The following ZKSCAN5 variants were observed in gnomAD, a reference collection of about 807,000 sequenced individuals.
The protein encoded by ZKSCAN5 is zinc finger protein with KRAB and SCAN domains 5.
In ZKSCAN5, 28 loss-of-function variants were observed where a neutral mutation model predicts 60.0. The ratio of observed to expected loss-of-function variants is 0.47; its 90% confidence interval spans 0.35 to 0.64. The LOEUF (loss-of-function observed/expected upper bound fraction) is 0.64, where lower values mean the gene tolerates loss of function less well. Among genes scored for constraint, ZKSCAN5 ranks in the 30% least tolerant of loss-of-function variants. The probability of loss-of-function intolerance (pLI) is 0.01; values close to 1 mark genes in which losing one functional copy is unlikely to be tolerated. For missense variants in ZKSCAN5, 881 were observed against 1,034.6 expected, an observed-to-expected ratio of 0.85 and a Z score of 2.04; for synonymous variants, 361 against 371.2, an observed-to-expected ratio of 0.97 and a Z score of 0.31.
Position 99,534,696 on chromosome 7 carries a change from A to AC in ZKSCAN5, c.*2447_*2448insC, listed in dbSNP as rs1313315443. 4 of 151,188 alleles carry AC rather than the reference A, an allele frequency of 2.6e-5. No individual in the cohort carries two copies. Among genetic ancestry groups the AC allele is most frequent in the Admixed American group, 6.6e-5 (1 of 15,166 alleles). 9.4% of individuals were successfully genotyped at this position (151,188 alleles called of 1,614,324 possible). On this transcript the variant is annotated 3_prime_UTR_variant, in exon 7 of 7. Coordinates refer to ENST00000326775, the MANE Select transcript of ZKSCAN5 (RefSeq NM_145102.4). ...GTCTAAAAAAAAAAAAAAAAAAAAA[A>AC]AAAACATTTTTTGGAGAGATGGTAT...
rs769392884 is a variant in ZKSCAN5, at chr7:99,531,244, G to C, written c.1515G>C (p.Glu505Asp). Residue 505 changes from glutamate (E) to aspartate (D), a missense_variant, in exon 7 of 7, where the codon GAG (glutamate) becomes GAC (aspartate). Glu to Asp is a conservative substitution (Grantham distance 45). This residue lies in a region of ZKSCAN5 where 490 missense variants were observed against 554.5 expected (regional missense o/e 0.88). Transcript: ENST00000326775. Reference protein sequence around the residue: ...SQVQDFGEGCEFQGKLDRKQG... With the variant: ...SQVQDFGEGCDFQGKLDRKQG... ...TTCAAGATTTTGGAGAAGGCTGTGA[G>C]TTTCAAGGCAAGCTGGATAGAAAGC... The C allele has an allele frequency of 1.2e-6, 2 of 1,614,166 alleles. No individual in the cohort carries two copies. Among genetic ancestry groups the C allele is most frequent in the Admixed American group, 3.3e-5 (2 of 60,010 alleles).
chr7:99,532,156 T>G lies in ZKSCAN5; in HGVS notation c.2427T>G (p.Asn809Lys). ...KPFQCKECGM[N>K]FSWSCSLFKH... ...TTCAATGTAAAGAATGTGGAATGAATTTCAGCTGGAGTTGTAGCCTCTTTA... is the reference window on the plus strand; with the variant it reads ...TTCAATGTAAAGAATGTGGAATGAAGTTCAGCTGGAGTTGTAGCCTCTTTA... The change falls in exon 7 of 7, where the codon AAT becomes AAG. Residue 809 changes from asparagine (N) to lysine (K), a missense_variant. Physicochemically the swap from Asn to Lys is moderately conservative, Grantham distance 94. Coordinates refer to ENST00000326775, the MANE Select transcript of ZKSCAN5 (RefSeq NM_145102.4). The G allele has an allele frequency of 1.9e-6, 3 of 1,613,780 alleles. No homozygotes were observed. The highest frequency in any genetic ancestry group is 2.5e-6 in the Non-Finnish European group (3 of 1,180,020).
intron 2 of ZKSCAN5, among the ~76,000 whole-genome samples, chr7:99,507,502 T>C (rs1800800835): frequency 7.0e-6 from 1 of 142,934 alleles, no homozygotes; most frequent in Non-Finnish European, 1.5e-5. Context: ...TATATATGTG[T>C]ATATATATGT....
At chr7:99,528,000 A>C (rs1436179464) in intron 6 of ZKSCAN5, among the ~76,000 whole-genome samples, 1 of 152,000 alleles carries the variant, frequency 6.6e-6, no homozygotes, top group African/African-American at 2.4e-5. Context: ...GTATTTTTAA[A>C]CATCTGTTCA....
At chr7:99,507,128 T>A (rs1800772020) in intron 2 of ZKSCAN5, among the ~76,000 whole-genome samples, 1 of 152,188 alleles carries the variant, frequency 6.6e-6, no homozygotes, top group Non-Finnish European at 1.5e-5. Flanking sequence ...CTTACAGAGC[T>A]GTACCATATT....
intron 5 of ZKSCAN5, 39 bp from the exon 6 acceptor site, chr7:99,525,773 AG>A: frequency 6.4e-7 from 1 of 1,564,218 alleles, no homozygotes; most frequent in Non-Finnish European, 8.6e-7. Flanking sequence ...TTCAAATTCA[AG>A]GAAAAGCTCA....
chr7:99,520,369 C>T, intron 5 of ZKSCAN5, 65 bp downstream of exon 5: 2 of 1,502,348 alleles, frequency 1.3e-6, no homozygotes, highest in Non-Finnish European at 1.8e-6. Context: ...AAGAGTATTT[C>T]TGGCTCATCT....
chr7:99,506,174 C>T lies in ZKSCAN5; in HGVS notation c.130C>T (p.Pro44Ser), dbSNP rs1408741114. ...DCTWMQEYNP[P>S]TFETFYQRFR... The stretch of plus-strand genomic sequence containing the variant: ...CACCTGGATGCAGGAGTACAACCCG[C>T]CAACGTTTGAGACTTTTTACCAGCG... The change falls in exon 2 of 7, where the codon CCA becomes TCA. Residue 44 changes from proline to serine, a missense_variant. Transcript: ENST00000326775. The T allele has an allele frequency of 6.2e-7, 1 of 1,614,176 alleles. No individual in the cohort carries two copies. The highest frequency in any genetic ancestry group is 8.5e-7 in the Non-Finnish European group (1 of 1,180,036).
At chr7:99,513,558 T>A (rs1262750200) in intron 3 of ZKSCAN5, among the ~76,000 whole-genome samples, 1 of 152,042 alleles carries the variant, frequency 6.6e-6, no homozygotes, top group Non-Finnish European at 1.5e-5. Context: ...CATGCCCAGC[T>A]AATTTTTGGA....
intron 3 of ZKSCAN5, among the ~76,000 whole-genome samples, chr7:99,515,482 A>C (rs1423746142): frequency 6.6e-6 from 1 of 152,136 alleles, no homozygotes; most frequent in South Asian, 2.1e-4. Flanking sequence ...GGGTATGCCA[A>C]CAGGTAATCC....
Position 99,531,346 on chromosome 7 carries a change from CAA to C in ZKSCAN5, c.1622_1623del (p.Lys541IlefsTer9). On this transcript the variant is annotated frameshift_variant, in exon 7 of 7. Transcript: ENST00000326775. LOFTEE classifies it high-confidence loss of function. ...ACTACAGTGAAGTCCCATATGTCCA[CAA>C]AAAATCCTCCACTGGAGAGAGACCA... ...MNYSEVPYVHKKSSTGERPHK... is the reference protein window; with the variant it reads ...MNYSEVPYVHXKSSTGERPHK... 6.2e-7 allele frequency: 1 copy of C among 1,614,086 alleles called. No individual in the cohort carries two copies. The highest frequency in any genetic ancestry group is 1.1e-5 in the South Asian group (1 of 91,082).
Position 99,511,850 on chromosome 7 carries a change from C to A in ZKSCAN5, c.415-603C>A, listed in dbSNP as rs146562422. On this transcript the variant is annotated intron_variant, in intron 2 of 6. Coordinates refer to ENST00000326775, the MANE Select transcript of ZKSCAN5 (RefSeq NM_145102.4). ...TGTCACCCAGGCTAGAGTGCAGTGGCGCAATCTCGGCTCACTGCAAGCTCC... is the reference window on the plus strand; with the variant it reads ...TGTCACCCAGGCTAGAGTGCAGTGGAGCAATCTCGGCTCACTGCAAGCTCC... Among the ~76,000 whole-genome samples the A allele has an allele frequency of 6.7e-3, 1,011 of 151,832 alleles. 6 individuals carry two copies. Among genetic ancestry groups the A allele is most frequent in the Non-Finnish European group, 9.9e-3 (673 of 67,956 alleles).
chr7:99,508,557 G>A (rs529485389), intron 2 of ZKSCAN5, among the ~76,000 whole-genome samples: 5 of 151,492 alleles, frequency 3.3e-5, no homozygotes, highest in East Asian at 2.0e-4. Context: ...AAGACCATCC[G>A]GGCCAACATG....
In ZKSCAN5 at chr7:99,525,899, GA is replaced by G; in HGVS notation, c.862del (p.Arg288GlyfsTer126). On this transcript the variant is annotated frameshift_variant, in exon 6 of 7. Transcript: ENST00000326775. LOFTEE classifies it high-confidence loss of function. Reference protein sequence around the residue: ...ESHWVAPEHTERSVPQDPDFA... With the variant: ...ESHWVAPEHTXRSVPQDPDFA... ...ACACTGGGTGGCGCCAGAACACACCGAAAGGAGCGTTCCTCAGGATCCAGAC... is the reference window on the plus strand; with the variant it reads ...ACACTGGGTGGCGCCAGAACACACCGAAGGAGCGTTCCTCAGGATCCAGAC... The G allele has an allele frequency of 6.2e-7, 1 of 1,614,016 alleles. No homozygotes were observed. The highest frequency in any genetic ancestry group is 8.5e-7 in the Non-Finnish European group (1 of 1,180,016).
chr7:99,526,088 G>A lies in ZKSCAN5; in HGVS notation c.1048G>A (p.Asp350Asn), dbSNP rs762191526. The part of the protein sequence containing the change: ...THGERGHRCS[D>N]CGKFFLQASN... Reference sequence around the variant, plus strand: ...TGGCGAGAGAGGGCACAGATGCAGCGATTGTGGCAAATTCTTCCTCCAAGC... The same window carrying A: ...TGGCGAGAGAGGGCACAGATGCAGCAATTGTGGCAAATTCTTCCTCCAAGC... The change falls in exon 6 of 7, where the codon GAT becomes AAT. Residue 350 changes from aspartate (D) to asparagine (N), a missense_variant. This residue lies in a region of ZKSCAN5 where 490 missense variants were observed against 554.5 expected (regional missense o/e 0.88). Coordinates refer to ENST00000326775, the MANE Select transcript of ZKSCAN5 (RefSeq NM_145102.4). The A allele has an allele frequency of 1.9e-6, 3 of 1,614,172 alleles. No individual in the cohort carries two copies. Among genetic ancestry groups the A allele is most frequent in the East Asian group, 2.2e-5 (1 of 44,874 alleles).
intron 4 of ZKSCAN5, 32 bp downstream of exon 4, chr7:99,519,941 A>T (rs1801450888): frequency 1.2e-6 from 2 of 1,608,414 alleles, no homozygotes; most frequent in Admixed American, 3.3e-5. Context: ...CTCAGAGAGG[A>T]CCCATCCTGA....
intron 3 of ZKSCAN5, among the ~76,000 whole-genome samples, chr7:99,519,273 ATTTTTTT>A (rs536984886): frequency 1.3e-4 from 15 of 112,684 alleles, no homozygotes; most frequent in African/African-American, 4.8e-4. Context: ...CACGCCCAGT[ATTTTTTT>A]TTTTTTTTTT....
chr7:99,507,541 ATG>A (rs1554383838), intron 2 of ZKSCAN5, among the ~76,000 whole-genome samples: 1 of 142,078 alleles, frequency 7.0e-6, no homozygotes, highest in African/African-American at 2.8e-5. Context: ...GTATATATAT[ATG>A]TATATATATG....
In ZKSCAN5 at chr7:99,505,988, A is replaced by G; in HGVS notation, c.-40-17A>G. ...TCCTTCAGAAGATATTAAAGAGCAG[A>G]AAAACAATTGTTTCAGTGTAACACA... On this transcript the variant is annotated splice_polypyrimidine_tract_variant and intron_variant, in intron 1 of 6. Coordinates refer to ENST00000326775, the MANE Select transcript of ZKSCAN5 (RefSeq NM_145102.4). 1 of 1,571,740 alleles carries G rather than the reference A, an allele frequency of 6.4e-7. No homozygotes were observed. The highest frequency in any genetic ancestry group is 8.6e-7 in the Non-Finnish European group (1 of 1,157,230).
Sources: gnomAD v4.1 joint callset for allele counts (sites outside exome capture counted in the v4.1 genomes callset) on GRCh38, gnomAD v4.1.1 for gene constraint, gnomAD v4.1.1 regional missense constraint, MANE v1.5 for transcripts, NCBI Gene and HGNC (gene_info 2026-07-23, HGNC 2026-07-21) for gene names.